EPHA3: variants seen among roughly 807,000 people sequenced by gnomAD.
The protein encoded by EPHA3 is EPH receptor A3.
A neutral mutation model predicts 107.1 loss-of-function variants in EPHA3; 42 were observed. The ratio of observed to expected loss-of-function variants is 0.39; its 90% CI spans 0.31 to 0.51. EPHA3 has a LOEUF of 0.51. Ranked by LOEUF, EPHA3 falls within the 20% of genes least tolerant of loss-of-function variation. The pLI, the probability that EPHA3 is intolerant of heterozygous loss-of-function variation, is 0.78. For missense variants in EPHA3, 1,183 were observed against 1,211.2 expected, an observed-to-expected ratio of 0.98 and a Z score of 0.35; for synonymous variants, 461 against 424.8, an observed-to-expected ratio of 1.09 and a Z score of -1.05.
intron 2 of EPHA3, among the ~76,000 whole-genome samples, chr3:89,180,780 A>C (rs1203909697): frequency 6.6e-6 from 1 of 152,020 alleles, no homozygotes; most frequent in Non-Finnish European, 1.5e-5. Flanking sequence ...TGAGGTGGCA[A>C]ACCTGTACTT....
chr3:89,164,778 T>C (rs74371002), intron 2 of EPHA3, among the ~76,000 whole-genome samples: 2,631 of 152,310 alleles, frequency 0.017, 69 homozygotes, highest in African/African-American at 0.058. Context: ...GAATGTGTGC[T>C]GGTAGGATAA....
At position 89,481,534 on chromosome 3, in the gene EPHA3, T is replaced by G. The variant is rs1164810320; in HGVS notation, c.*2032T>G. 1.7e-5 allele frequency: 4 copies of G among 232,168 alleles called. No individual in the cohort carries two copies. Among genetic ancestry groups the G allele is most frequent in the Non-Finnish European group, 3.4e-5 (4 of 117,558 alleles). 14.4% of individuals were successfully genotyped at this position (232,168 alleles called of 1,614,324 possible). On this transcript the variant is annotated 3_prime_UTR_variant, in exon 17 of 17. Coordinates refer to ENST00000336596, the MANE Select transcript of EPHA3 (RefSeq NM_005233.6). ...CTACTATTTTCTTTTTTAGGTACTA[T>G]TCTGAGCATACTCAACAAAACCCAT...
intron 3 of EPHA3, among the ~76,000 whole-genome samples, chr3:89,211,737 CTTCTCCTTCTTCTTCT>C (rs1704097705): frequency 1.9e-4 from 2 of 10,284 alleles, no homozygotes; most frequent in Non-Finnish European, 5.2e-4. Flanking sequence ...TCTTCTTCTT[CTTCTCCTTCTTCTTCT>C]TCTTCTTCTT....
Position 89,240,162 on chromosome 3 carries a change from T to G in EPHA3, c.814+29642T>G, listed in dbSNP as rs73849214. Among the ~76,000 whole-genome samples the G allele has an allele frequency of 4.8e-3, 733 of 152,354 alleles. 12 individuals carry two copies. Among genetic ancestry groups the G allele is most frequent in the African/African-American group, 0.016 (679 of 41,590 alleles). ...GCATGGTTGAAATAATACATTTGTA[T>G]GGCATTACTAGAAAATATTTTTATA... On this transcript the variant is annotated intron_variant, in intron 3 of 16. Coordinates refer to ENST00000336596, the MANE Select transcript of EPHA3 (RefSeq NM_005233.6).
At chr3:89,136,330 CTTTTT>C (rs67054298) in intron 2 of EPHA3, among the ~76,000 whole-genome samples, 4 of 23,380 alleles carry the variant, frequency 1.7e-4, no homozygotes, top group African/African-American at 1.7e-4. Flanking sequence ...ATCTTACAGG[CTTTTT>C]TTTTTTTTTT....
intron 9 of EPHA3, among the ~76,000 whole-genome samples, chr3:89,410,445 T>C (rs1709137764): frequency 6.6e-6 from 1 of 152,002 alleles, no homozygotes; most frequent in African/African-American, 2.4e-5. Flanking sequence ...TTTTATAATC[T>C]TTGTAAATTC....
intron 2 of EPHA3, among the ~76,000 whole-genome samples, chr3:89,189,475 C>A (rs138474973): frequency 0.013 from 1,941 of 152,226 alleles, 43 homozygotes; most frequent in African/African-American, 0.043. Context: ...CACCTGTCAT[C>A]CCATCTACTT....
At chr3:89,121,863 G>A (rs1478139327) in intron 1 of EPHA3, among the ~76,000 whole-genome samples, 1 of 152,030 alleles carries the variant, frequency 6.6e-6, no homozygotes, top group African/African-American at 2.4e-5. Context: ...TAAAAGTTAT[G>A]TTGCAATATA....
At chr3:89,251,916 T>C (rs976074839) in intron 3 of EPHA3, among the ~76,000 whole-genome samples, 17 of 152,160 alleles carry the variant, frequency 1.1e-4, no homozygotes, top group African/African-American at 4.1e-4. Flanking sequence ...ATGTTTTGTA[T>C]GTTTATTGTT....
At chr3:89,169,137 TAG>T (rs1416404261) in intron 2 of EPHA3, among the ~76,000 whole-genome samples, 9 of 152,248 alleles carry the variant, frequency 5.9e-5, no homozygotes, top group African/African-American at 2.2e-4. Flanking sequence ...TGAAAAGAAT[TAG>T]ACTTATTTTT....
intron 2 of EPHA3, among the ~76,000 whole-genome samples, chr3:89,135,467 A>T (rs997048152): frequency 1.5e-4 from 23 of 152,160 alleles, no homozygotes; most frequent in Admixed American, 1.2e-3. Flanking sequence ...TATCTAAAAA[A>T]TGAATAATAA....
chr3:89,142,731 G>A (rs962947660), intron 2 of EPHA3, among the ~76,000 whole-genome samples: 7 of 151,490 alleles, frequency 4.6e-5, no homozygotes, highest in Admixed American at 2.0e-4. Context: ...AAATGTAAAA[G>A]CCATTTATTT....
At chr3:89,390,424 C>T (rs1163989594) in intron 5 of EPHA3, among the ~76,000 whole-genome samples, 3 of 151,956 alleles carry the variant, frequency 2.0e-5, no homozygotes, top group Non-Finnish European at 4.4e-5. Flanking sequence ...CATGATGAAA[C>T]CCCATCTCTA....
intron 2 of EPHA3, among the ~76,000 whole-genome samples, chr3:89,208,640 G>A (rs1168862860): frequency 6.6e-6 from 1 of 151,794 alleles, no homozygotes; most frequent in Non-Finnish European, 1.5e-5. Flanking sequence ...GATTCCACAA[G>A]TTCCACAAGA....
intron 1 of EPHA3, among the ~76,000 whole-genome samples, chr3:89,116,640 G>A (rs1388641437): frequency 6.7e-6 from 1 of 148,518 alleles, no homozygotes; most frequent in African/African-American, 2.5e-5. Context: ...CTGGCAAAGA[G>A]CAAAAATAGC....
At chr3:89,344,249 T>C (rs1707593428) in intron 5 of EPHA3, among the ~76,000 whole-genome samples, 3 of 152,148 alleles carry the variant, frequency 2.0e-5, no homozygotes, top group Non-Finnish European at 4.4e-5. Context: ...ACACAGTAAA[T>C]GAATCTAGGC....
intron 11 of EPHA3, among the ~76,000 whole-genome samples, chr3:89,423,794 G>C (rs1709399503): frequency 1.3e-5 from 2 of 151,282 alleles, no homozygotes; most frequent in Admixed American, 1.3e-4. Flanking sequence ...AGAAAAGTGT[G>C]GTATTGTGTA....
chr3:89,404,997 A>G (rs1709030611), intron 7 of EPHA3, among the ~76,000 whole-genome samples: 1 of 152,136 alleles, frequency 6.6e-6, no homozygotes, highest in Non-Finnish European at 1.5e-5. Flanking sequence ...TAGCCAATGG[A>G]TAGGGATGTA....
intron 2 of EPHA3, among the ~76,000 whole-genome samples, chr3:89,209,388 GT>G (rs1414136365): frequency 2.0e-5 from 3 of 151,782 alleles, no homozygotes; most frequent in African/African-American, 7.3e-5. Context: ...ATGATACATA[GT>G]AAAAATATCA....
Sources: allele counts gnomAD v4.1 joint callset (sites outside exome capture counted in the v4.1 genomes callset), GRCh38; gene constraint gnomAD v4.1.1; transcripts MANE v1.5; gene names NCBI Gene and HGNC (gene_info 2026-07-23, HGNC 2026-07-21).